Variants in SAMD4B observed in about 807,000 individuals in gnomAD.
SAMD4B encodes the protein sterile alpha motif domain containing 4B.
A neutral mutation model predicts 74.5 loss-of-function variants in SAMD4B; 5 were observed. That is an observed-to-expected ratio of 0.07 (90% CI 0.04 to 0.14). The LOEUF (loss-of-function observed/expected upper bound fraction) is 0.14. Ranked by LOEUF, SAMD4B falls within the 10% of genes least tolerant of loss-of-function variation. The pLI is 1.00. For missense variants in SAMD4B, 608 were observed against 921.8 expected (o/e 0.66, Z 4.41); for synonymous variants, 373 against 374.9 (o/e 1.00, Z 0.06).
chr19:39,385,916 C>T (rs117151141), downstream of SAMD4B: 32,772 of 1,579,910 alleles, frequency 0.021, 397 homozygotes, highest in Middle Eastern at 0.043. Flanking sequence ...GTGAAAGGCT[C>T]ACAAACAGAC....
intron 1 of SAMD4B, chr19:39,350,644 C>G (rs959578711): frequency 6.6e-6 from 1 of 152,218 alleles, no homozygotes; most frequent in African/African-American, 2.4e-5. Context: ...CCTGCCACCA[C>G]GCCCAGCTGA....
downstream of SAMD4B, among the ~76,000 whole-genome samples, chr19:39,387,516 G>T (rs2078279154): frequency 6.6e-6 from 1 of 152,154 alleles, no homozygotes; most frequent in African/African-American, 2.4e-5. Context: ...AGAACTCCAG[G>T]TCACTCAGAT....
Position 39,383,628 on chromosome 19 carries a change from GC to G in SAMD4B, c.*102del. The G allele has an allele frequency of 6.2e-7, 1 of 1,611,718 alleles. No individual in the cohort carries two copies. The highest frequency in any genetic ancestry group is 8.5e-7 in the Non-Finnish European group (1 of 1,179,282). On this transcript the variant is annotated 3_prime_UTR_variant, in exon 14 of 14. Coordinates refer to ENST00000610417, the MANE Select transcript of SAMD4B (RefSeq NM_001384574.2). The surrounding 1 kb of genome is among the most constrained non-coding windows in gnomAD (Gnocchi z 4.1). Reference sequence around the variant, plus strand: ...GACAGCGAGAGGGTGGGCTGGCTCAGCTATATATTCTAATATTTTTCTACTC... The same window carrying G: ...GACAGCGAGAGGGTGGGCTGGCTCAGTATATATTCTAATATTTTTCTACTC...
chr19:39,343,058 T>G (rs2075418845), intron 1 of SAMD4B, among the ~76,000 whole-genome samples: 1 of 151,600 alleles, frequency 6.6e-6, no homozygotes, highest in Admixed American at 6.6e-5. Context: ...CCAGAAATAG[T>G]CCTCGGAGGC....
intron 1 of SAMD4B, among the ~76,000 whole-genome samples, chr19:39,344,881 C>T (rs570947730): frequency 2.0e-5 from 3 of 152,244 alleles, no homozygotes; most frequent in Admixed American, 6.5e-5. Context: ...CCCTTAACAC[C>T]CTCCTTAGAG....
chr19:39,385,738 T>C (rs1165090640), downstream of SAMD4B: 2 of 573,618 alleles, frequency 3.5e-6, no homozygotes, highest in Non-Finnish European at 6.1e-6. Context: ...TGGGAAACCA[T>C]TGGCCCTGCC....
chr19:39,374,045 A>C (rs2077457626), intron 4 of SAMD4B, among the ~76,000 whole-genome samples: 2 of 152,152 alleles, frequency 1.3e-5, no homozygotes, highest in Non-Finnish European at 2.9e-5. Context: ...AGGCAGGTGG[A>C]TCACCTGAGG....
chr19:39,372,436 T>C (rs2145727450), intron 4 of SAMD4B, among the ~76,000 whole-genome samples: 1 of 152,226 alleles, frequency 6.6e-6, no homozygotes, highest in Middle Eastern at 3.4e-3. Flanking sequence ...AAGGCTACAT[T>C]CTGGGGGGCG....
chr19:39,381,265 G>C lies in SAMD4B; in HGVS notation c.1972+152G>C, dbSNP rs1241075115. ...CTCTGCACCCATCTCCCCCAATTGT[G>C]GGGGGTTGTTTTCCTCCTCTGCTTC... On this transcript the variant is annotated intron_variant, in intron 12 of 13. Coordinates refer to ENST00000610417, the MANE Select transcript of SAMD4B (RefSeq NM_001384574.2). The C allele has an allele frequency of 6.5e-6, 6 of 918,834 alleles. No homozygotes were observed. In the African/African-American group the frequency reaches 6.7e-5, roughly 10 times the overall value. 56.9% of individuals were successfully genotyped at this position (918,834 alleles called of 1,614,324 possible).
At position 39,383,038 on chromosome 19, in the gene SAMD4B, G is replaced by T. The variant is rs2078097335; in HGVS notation, c.1973-170G>T. 6.6e-6 allele frequency among the ~76,000 whole-genome samples: 1 copy of T among 152,056 alleles called. No individual in the cohort carries two copies. Among genetic ancestry groups the T allele is most frequent in the African/African-American group, 2.4e-5 (1 of 41,370 alleles). ...CTCTGCCATTGCCATTGTCTCCTCT[G>T]CCTGTTGTGTGACACGCTCGCCTCT... On this transcript the variant is annotated intron_variant, in intron 12 of 13. Transcript: ENST00000610417. The surrounding 1 kb of genome is among the most constrained non-coding windows in gnomAD (Gnocchi z 4.1).
chr19:39,389,086 C>T, downstream of SAMD4B: 1 of 1,612,772 alleles, frequency 6.2e-7, no homozygotes, highest in Non-Finnish European at 8.5e-7. The surrounding 1 kb of genome is among the most constrained non-coding windows in gnomAD (Gnocchi z 5.3). Flanking sequence ...CCCAGTCCCT[C>T]AATTACTGAT....
chr19:39,389,558 C>A, downstream of SAMD4B: 1 of 1,614,110 alleles, frequency 6.2e-7, no homozygotes, highest in Non-Finnish European at 8.5e-7. The surrounding 1 kb of genome is among the most constrained non-coding windows in gnomAD (Gnocchi z 5.3). Flanking sequence ...TAGAGGAGAG[C>A]GGGGGGCAGG....
rs199700697 is a variant in SAMD4B, at chr19:39,356,862, C to T, written c.-32C>T. ...TGACGGCGCTGGCCCTCGCCACCGCCGTCCCCCGACCCTGGCCCCAGGCCC... is the reference window on the plus strand; with the variant it reads ...TGACGGCGCTGGCCCTCGCCACCGCTGTCCCCCGACCCTGGCCCCAGGCCC... On this transcript the variant is annotated 5_prime_UTR_variant, in exon 3 of 14. Coordinates refer to ENST00000610417, the MANE Select transcript of SAMD4B (RefSeq NM_001384574.2). 2.9e-4 allele frequency: 456 copies of T among 1,575,104 alleles called. 4 individuals carry two copies. In the South Asian group the frequency reaches 3.8e-3, roughly 13 times the overall value.
At chr19:39,364,339 G>A (rs2076826675) in intron 3 of SAMD4B, among the ~76,000 whole-genome samples, 2 of 152,334 alleles carry the variant, frequency 1.3e-5, no homozygotes, top group South Asian at 4.1e-4. Flanking sequence ...GGTAGGGCTG[G>A]AGGGGCAGGC....
rs987124225 is a variant in SAMD4B, at chr19:39,385,510, C to T, written c.*1983C>T. 8.6e-6 allele frequency: 4 copies of T among 465,770 alleles called. No homozygotes were observed. Among genetic ancestry groups the T allele is most frequent in the Non-Finnish European group, 1.5e-5 (4 of 266,598 alleles). The allele number at this position is 465,770 out of a possible 1,614,324, so 28.9% of individuals were successfully genotyped here. A position where few individuals can be genotyped will look rare whatever the true frequency, so the allele number is the denominator to read the frequency against. ...GGACCCTGACCCTCTCCCGCTCCAG[C>T]CCCCTCCCCAGGCCCTCCTCCATGA... On this transcript the variant is annotated 3_prime_UTR_variant, in exon 14 of 14. Transcript: ENST00000610417.
In SAMD4B at chr19:39,383,053, C is replaced by T. The variant is rs1355198463; in HGVS notation, c.1973-155C>T. Among the ~76,000 whole-genome samples the T allele has an allele frequency of 2.0e-5, 3 of 152,102 alleles. No homozygotes were observed. Among genetic ancestry groups the T allele is most frequent in the Non-Finnish European group, 2.9e-5 (2 of 68,014 alleles). On this transcript the variant is annotated intron_variant, in intron 12 of 13. Transcript: ENST00000610417. This position sits in a 1 kb window ranked among gnomAD's most constrained non-coding sequence, Gnocchi z 4.1. Reference sequence around the variant, plus strand: ...TGTCTCCTCTGCCTGTTGTGTGACACGCTCGCCTCTCTCCCTGTCCACCTC... The same window carrying T: ...TGTCTCCTCTGCCTGTTGTGTGACATGCTCGCCTCTCTCCCTGTCCACCTC...
downstream of SAMD4B, chr19:39,386,564 C>G (rs1225044119): frequency 6.2e-7 from 1 of 1,614,148 alleles, no homozygotes; most frequent in Admixed American, 1.7e-5. This position sits in a 1 kb window ranked among gnomAD's most constrained non-coding sequence, Gnocchi z 6.1. Context: ...GCTGGGCCTT[C>G]CGTGCCTCCT....
downstream of SAMD4B, chr19:39,386,820 A>G (rs772844803): frequency 9.7e-6 from 15 of 1,550,556 alleles, no homozygotes; most frequent in South Asian, 1.1e-4. The surrounding 1 kb of genome is among the most constrained non-coding windows in gnomAD (Gnocchi z 6.1). Context: ...TGAATTTGGG[A>G]GAGAGAAGTG....
chr19:39,387,234 G>T, downstream of SAMD4B: 1 of 413,188 alleles, frequency 2.4e-6, no homozygotes, highest in South Asian at 1.8e-5. Context: ...AATACTGCAG[G>T]CAATTGTAAT....
Sources: allele counts gnomAD v4.1 joint callset (sites outside exome capture counted in the v4.1 genomes callset), GRCh38; gene constraint gnomAD v4.1.1; non-coding constraint Gnocchi (gnomAD v3.1); transcripts MANE v1.5; gene names NCBI Gene and HGNC (gene_info 2026-07-23, HGNC 2026-07-21).